PCDH7: variants seen among roughly 807,000 people sequenced by gnomAD.
PCDH7 encodes the protein protocadherin 7, also known as protocadherin-7.
In PCDH7, 17 loss-of-function variants were observed where a neutral mutation model predicts 58.9. The ratio of observed to expected loss-of-function variants is 0.29; its 90% CI spans 0.20 to 0.43. The LOEUF (loss-of-function observed/expected upper bound fraction) is 0.43. Ranked by LOEUF, PCDH7 falls within the 20% of genes least tolerant of loss-of-function variation. The probability of loss-of-function intolerance (pLI) is 1.00; values close to 1 mark genes in which losing one functional copy is unlikely to be tolerated. For synonymous variants in PCDH7, 664 were observed against 616.4 expected (o/e 1.08, Z -1.14); for missense variants, 1,274 against 1,441.0 (o/e 0.88, Z 1.88).
chr4:30,893,941 T>C (rs545569785), intron 1 of PCDH7, among the ~76,000 whole-genome samples: 1 of 152,198 alleles, frequency 6.6e-6, no homozygotes, highest in African/African-American at 2.4e-5. Context: ...TCAAATATGG[T>C]ACAGGGAGGC....
intron 3 of PCDH7, among the ~76,000 whole-genome samples, chr4:31,026,882 C>A (rs1206795932): frequency 6.6e-6 from 1 of 152,066 alleles, no homozygotes; most frequent in African/African-American, 2.4e-5. Flanking sequence ...AAGCTGATTG[C>A]CTCAGTTGAT....
intron 1 of PCDH7, among the ~76,000 whole-genome samples, chr4:30,798,527 G>A (rs1171848339): frequency 1.3e-5 from 2 of 152,178 alleles, no homozygotes; most frequent in East Asian, 3.9e-4. Context: ...CAACAAAAGA[G>A]AAACATATTA....
At chr4:31,118,904 A>C (rs1578846473) in intron 3 of PCDH7, among the ~76,000 whole-genome samples, 2 of 152,306 alleles carry the variant, frequency 1.3e-5, no homozygotes, top group Admixed American at 1.3e-4. Flanking sequence ...ACCTCAATAT[A>C]TATGTAACAG....
chr4:30,831,038 G>A lies in PCDH7; in HGVS notation c.71-89115G>A, dbSNP rs1490086179. 2.6e-5 allele frequency among the ~76,000 whole-genome samples: 4 copies of A among 152,080 alleles called. 1 individual carries two copies. The South Asian group carries it at 6.2e-4, about 24-fold the overall frequency. ...AAAATAATTTTCTGAAAGTATGGGT[G>A]TGCCGACATCCCACTAGTTAACGGT... On this transcript the variant is annotated intron_variant, in intron 1 of 3. Coordinates refer to the PCDH7 transcript ENST00000509759.
chr4:31,128,467 C>T (rs1012855348), intron 3 of PCDH7, among the ~76,000 whole-genome samples: 1 of 152,100 alleles, frequency 6.6e-6, no homozygotes, highest in African/African-American at 2.4e-5. Context: ...TTCATCTCTT[C>T]TATCAGAAAC....
chr4:31,064,642 C>T (rs996014008), intron 3 of PCDH7, among the ~76,000 whole-genome samples: 1 of 151,910 alleles, frequency 6.6e-6, no homozygotes, highest in South Asian at 2.1e-4. Context: ...GCTCCAATCT[C>T]TGTTTCTGTC....
At position 30,838,314 on chromosome 4, in the gene PCDH7, A is replaced by AT. The variant is rs896519322; in HGVS notation, c.71-81829dup. The stretch of plus-strand genomic sequence containing the variant: ...CACTGGAATTAGGAATTTGATATAC[A>AT]TTTTTTTTTTATTTTAACTCAATGA... On this transcript the variant is annotated intron_variant, in intron 1 of 3. Coordinates refer to the PCDH7 transcript ENST00000509759. Among the ~76,000 whole-genome samples the AT allele has an allele frequency of 5.3e-3, 796 of 149,994 alleles. 11 individuals are homozygous for AT. Among genetic ancestry groups the AT allele is most frequent in the African/African-American group, 0.015 (598 of 40,994 alleles).
At chr4:30,811,514 A>G (rs111849083) in intron 1 of PCDH7, among the ~76,000 whole-genome samples, 2 of 152,256 alleles carry the variant, frequency 1.3e-5, no homozygotes, top group South Asian at 4.1e-4. Flanking sequence ...GAAAAAAGTC[A>G]TGTGGAATCT....
intron 3 of PCDH7, among the ~76,000 whole-genome samples, chr4:31,044,001 C>A (rs1756091042): frequency 6.6e-6 from 1 of 152,078 alleles, no homozygotes. Context: ...CTAAGGATAT[C>A]TAATGATGAG....
intron 3 of PCDH7, among the ~76,000 whole-genome samples, chr4:31,042,268 T>C (rs915560355): frequency 6.6e-6 from 1 of 152,154 alleles, no homozygotes; most frequent in Non-Finnish European, 1.5e-5. Context: ...TGCTTTCCCT[T>C]CTAGTCATCA....
downstream of PCDH7, among the ~76,000 whole-genome samples, chr4:30,736,179 G>C (rs1016710398): frequency 6.6e-6 from 1 of 152,002 alleles, no homozygotes; most frequent in Non-Finnish European, 1.5e-5. Context: ...GACTTAAAGA[G>C]GATAACAAAG....
chr4:31,054,258 G>A (rs562299806), intron 3 of PCDH7, among the ~76,000 whole-genome samples: 1 of 152,224 alleles, frequency 6.6e-6, no homozygotes, highest in East Asian at 1.9e-4. Context: ...AAGCCACCAC[G>A]TCCGGCCCTT....
intron 1 of PCDH7, among the ~76,000 whole-genome samples, chr4:30,813,452 A>T (rs1234579801): frequency 6.6e-6 from 1 of 152,140 alleles, no homozygotes; most frequent in Non-Finnish European, 1.5e-5. Flanking sequence ...AAAGTCAGAG[A>T]CTGTAGGACT....
chr4:30,738,042 C>A (rs1716541870), intron 1 of PCDH7, among the ~76,000 whole-genome samples: 1 of 152,164 alleles, frequency 6.6e-6, no homozygotes, highest in African/African-American at 2.4e-5. Flanking sequence ...GACTCTTCCT[C>A]TGTGCCTGAG....
chr4:30,885,280 G>A (rs1040414373), intron 1 of PCDH7: 7 of 152,160 alleles, frequency 4.6e-5, no homozygotes, highest in African/African-American at 1.7e-4. Flanking sequence ...CAGCCACGTT[G>A]CCTCAGTTCC....
chr4:30,769,954 G>A (rs544593739), intron 1 of PCDH7, among the ~76,000 whole-genome samples: 2 of 152,262 alleles, frequency 1.3e-5, no homozygotes, highest in East Asian at 3.9e-4. Flanking sequence ...CCATTAATTG[G>A]CATTTTCAGC....
In PCDH7 at chr4:30,723,121, A is replaced by AACGCC; in HGVS notation, c.1700_1704dup (p.Glu569ThrfsTer12). On this transcript the variant is annotated frameshift_variant, in exon 1 of 2. Coordinates refer to ENST00000361762, the Ensembl canonical transcript of PCDH7. LOFTEE classifies it high-confidence loss of function. This position sits in a 1 kb window ranked among gnomAD's most constrained non-coding sequence, Gnocchi z 4.6. ...GGCGACAGACGCAGACAGCGGTAAG[A>AACGCC]ACGCCGAGATCGCCTACTCGCTGGA... is the stretch of plus-strand genomic sequence containing the variant. The AACGCC allele has an allele frequency of 6.2e-7, 1 of 1,614,022 alleles. No homozygotes were observed. The highest frequency in any genetic ancestry group is 8.5e-7 in the Non-Finnish European group (1 of 1,180,040).
At chr4:31,023,028 A>T (rs990526806) in intron 3 of PCDH7, among the ~76,000 whole-genome samples, 3 of 152,244 alleles carry the variant, frequency 2.0e-5, no homozygotes, top group African/African-American at 7.2e-5. Context: ...GATTGCGTTC[A>T]TAGGTAAAGG....
At chr4:30,760,751 A>T (rs1719919617) in intron 1 of PCDH7, among the ~76,000 whole-genome samples, 1 of 152,158 alleles carries the variant, frequency 6.6e-6, no homozygotes, top group African/African-American at 2.4e-5. Flanking sequence ...AAGGTCTCCC[A>T]ACCAAGGGCA....
Sources: gnomAD v4.1 joint callset for allele counts (sites outside exome capture counted in the v4.1 genomes callset) on GRCh38, gnomAD v4.1.1 for gene constraint, Gnocchi (gnomAD v3.1) non-coding constraint, MANE v1.5 for transcripts, NCBI Gene and HGNC (gene_info 2026-07-23, HGNC 2026-07-21) for gene names.